LPP: variants seen among roughly 807,000 people sequenced by gnomAD.
LPP encodes the protein lipoma-preferred partner.
A neutral mutation model predicts 60.4 loss-of-function variants in LPP; 38 were observed. That is an observed-to-expected ratio of 0.63 (90% confidence interval 0.49 to 0.83). The LOEUF (loss-of-function observed/expected upper bound fraction) is 0.83, where lower values mean the gene tolerates loss of function less well. LPP is among the 40% of genes least tolerant of loss of function. The probability of loss-of-function intolerance (pLI) is 0.00; values close to 1 mark genes in which losing one functional copy is unlikely to be tolerated. For missense variants in LPP, 902 were observed against 783.6 expected (o/e 1.15, Z -1.80); for synonymous variants, 328 against 290.8 (o/e 1.13, Z -1.30).
intron 6 of LPP, among the ~76,000 whole-genome samples, chr3:188,535,839 A>T: frequency 6.6e-6 from 1 of 152,186 alleles, no homozygotes; most frequent in East Asian, 1.9e-4. Flanking sequence ...AACTGAAGAA[A>T]ACAGAGGACT....
At chr3:188,542,559 C>T (rs959448780) in intron 6 of LPP, among the ~76,000 whole-genome samples, 2 of 152,078 alleles carry the variant, frequency 1.3e-5, no homozygotes, top group East Asian at 3.9e-4. Flanking sequence ...GTCATTTAGC[C>T]ATTTATGCAT....
In LPP at chr3:188,379,888, A is replaced by T. The variant is rs117142937; in HGVS notation, c.-9-26224A>T. On this transcript the variant is annotated intron_variant, in intron 3 of 11. Transcript: ENST00000617246. ...GTGTTTGAAAGGTTGAAAGTAGACT[A>T]TTGGGTCTGCTGACTAGGGCCTGTA... Among the ~76,000 whole-genome samples, 56 of 152,324 alleles carry T rather than the reference A, an allele frequency of 3.7e-4. No individual in the cohort carries two copies. In the East Asian group the frequency reaches 0.011, roughly 29 times the overall value.
intron 9 of LPP, among the ~76,000 whole-genome samples, chr3:188,839,911 A>G (rs975377927): frequency 1.3e-5 from 2 of 152,180 alleles, no homozygotes; most frequent in African/African-American, 4.8e-5. Flanking sequence ...ATTAAATTTA[A>G]AAAAGAGTAA....
At chr3:188,820,983 T>A (rs552201230) in intron 9 of LPP, among the ~76,000 whole-genome samples, 2 of 152,096 alleles carry the variant, frequency 1.3e-5, no homozygotes, top group Non-Finnish European at 2.9e-5. Context: ...TTAGAATTCA[T>A]TCTAAACTTC....
intron 2 of LPP, among the ~76,000 whole-genome samples, chr3:188,244,193 G>A (rs1726044024): frequency 6.6e-6 from 1 of 152,230 alleles, no homozygotes; most frequent in Non-Finnish European, 1.5e-5. Context: ...TAGGAAGGCT[G>A]AGAATGGCTT....
intron 4 of LPP, among the ~76,000 whole-genome samples, chr3:188,442,126 T>G (rs1794139585): frequency 6.6e-6 from 1 of 152,198 alleles, no homozygotes; most frequent in African/African-American, 2.4e-5. Context: ...TTTTATTTAT[T>G]TATTTTTATT....
chr3:188,690,916 G>A (rs114519738), intron 7 of LPP, among the ~76,000 whole-genome samples: 1,614 of 152,118 alleles, frequency 0.011, 25 homozygotes, highest in African/African-American at 0.037. Flanking sequence ...TTTTAAGTAG[G>A]TAATTATGGG....
intron 4 of LPP, among the ~76,000 whole-genome samples, chr3:188,419,857 C>G (rs1331324118): frequency 1.3e-5 from 2 of 152,064 alleles, no homozygotes; most frequent in African/African-American, 2.4e-5. Flanking sequence ...CCATTCCAGC[C>G]TAGGCGTCAG....
intron 6 of LPP, among the ~76,000 whole-genome samples, chr3:188,605,312 C>A (rs540725188): frequency 2.6e-5 from 4 of 152,126 alleles, no homozygotes; most frequent in Admixed American, 1.3e-4. Flanking sequence ...TTATGGAATT[C>A]CCTATTTAGA....
intron 2 of LPP, chr3:188,312,772 T>C (rs1753852856): frequency 6.6e-6 from 1 of 152,210 alleles, no homozygotes; most frequent in South Asian, 2.1e-4. Context: ...AAGTATTTAA[T>C]ACTTAAGAAC....
At chr3:188,505,393 T>G (rs951697797) in intron 5 of LPP, among the ~76,000 whole-genome samples, 1 of 152,180 alleles carries the variant, frequency 6.6e-6, no homozygotes, top group African/African-American at 2.4e-5. Context: ...CCACTCAGAG[T>G]TCTCACTTTG....
rs950459414 is a variant in LPP at position 188,360,183 on chromosome 3, C to G, written c.-10+18464C>G. On this transcript the variant is annotated intron_variant, in intron 3 of 11. Coordinates refer to ENST00000617246, the MANE Select transcript of LPP (RefSeq NM_001375462.1). The stretch of plus-strand genomic sequence containing the variant: ...GTCCTACCTTAACTTTGAAGGAACG[C>G]TTTTCAAACCCGGCCTGCATCGGAA... Among the ~76,000 whole-genome samples, 10 of 152,274 alleles carry G rather than the reference C, an allele frequency of 6.6e-5. 3 individuals are homozygous for G. Among genetic ancestry groups the G allele is most frequent in the Admixed American group, 1.3e-4 (2 of 15,292 alleles).
At chr3:188,715,670 T>G (rs973238689) in intron 8 of LPP, among the ~76,000 whole-genome samples, 2 of 152,190 alleles carry the variant, frequency 1.3e-5, no homozygotes, top group Non-Finnish European at 1.5e-5. Flanking sequence ...GTCCAAGACT[T>G]TTCTGTGTTG....
At chr3:188,621,398 C>A (rs1487809755) in intron 7 of LPP, among the ~76,000 whole-genome samples, 1 of 152,134 alleles carries the variant, frequency 6.6e-6, no homozygotes, top group African/African-American at 2.4e-5. Context: ...TTAGCTCCCA[C>A]TCATAAGTGA....
At chr3:188,672,308 G>T (rs956839191) in intron 7 of LPP, among the ~76,000 whole-genome samples, 1 of 150,760 alleles carries the variant, frequency 6.6e-6, no homozygotes, top group Non-Finnish European at 1.5e-5. Flanking sequence ...TAATCATCCA[G>T]TGCAGAAGTT....
intron 7 of LPP, among the ~76,000 whole-genome samples, chr3:188,663,204 T>A (rs1159796978): frequency 1.3e-5 from 2 of 152,086 alleles, no homozygotes; most frequent in Non-Finnish European, 2.9e-5. Flanking sequence ...GCACGTGTGT[T>A]GATGCCTGGT....
At chr3:188,545,004 A>G (rs1182701807) in intron 6 of LPP, among the ~76,000 whole-genome samples, 1 of 64,522 alleles carries the variant, frequency 1.5e-5, no homozygotes, top group East Asian at 5.1e-4. Flanking sequence ...TATCGCAAGA[A>G]CAAAAAACCA....
At chr3:188,703,909 T>C (rs1864969741) in intron 7 of LPP, among the ~76,000 whole-genome samples, 1 of 152,176 alleles carries the variant, frequency 6.6e-6, no homozygotes, top group Non-Finnish European at 1.5e-5. Context: ...CTTGCTGCCT[T>C]GTCTATATTG....
chr3:188,577,281 T>G (rs925009032), intron 6 of LPP, among the ~76,000 whole-genome samples: 1 of 152,208 alleles, frequency 6.6e-6, no homozygotes, highest in African/African-American at 2.4e-5. Flanking sequence ...TATTCTCATC[T>G]AATTTTCTCT....
Sources: gnomAD v4.1 joint callset for allele counts (sites outside exome capture counted in the v4.1 genomes callset) on GRCh38, gnomAD v4.1.1 for gene constraint, MANE v1.5 for transcripts, NCBI Gene and HGNC (gene_info 2026-07-23, HGNC 2026-07-21) for gene names.